CCDC50: variants seen among roughly 807,000 people sequenced by gnomAD.
The protein encoded by CCDC50 is coiled-coil domain containing 50, also known as coiled-coil domain-containing protein 50.
Under a neutral mutation model 70.2 loss-of-function variants are expected in CCDC50, and 54 were observed. The observed-to-expected ratio is 0.77, with a 90% CI of 0.62 to 0.96. The LOEUF is 0.96. CCDC50 is among the 50% of genes least tolerant of loss of function. The probability of loss-of-function intolerance (pLI) is 0.00; values close to 1 mark genes in which losing one functional copy is unlikely to be tolerated. For missense variants in CCDC50, 558 were observed against 578.7 expected (o/e 0.96, Z 0.37); for synonymous variants, 216 against 198.8 (o/e 1.09, Z -0.73).
chr3:191,369,416 A>G (rs1712818666), intron 4 of CCDC50, among the ~76,000 whole-genome samples: 2 of 152,144 alleles, frequency 1.3e-5, no homozygotes, highest in South Asian at 4.1e-4. Flanking sequence ...ACTGCTAAAA[A>G]TTTGCCTGGG....
At chr3:191,363,903 C>T (rs1037580941) in intron 4 of CCDC50, among the ~76,000 whole-genome samples, 4 of 151,894 alleles carry the variant, frequency 2.6e-5, no homozygotes, top group East Asian at 1.9e-4. Flanking sequence ...AGAAAATTTG[C>T]GTGAGTAAAG....
intron 1 of CCDC50, among the ~76,000 whole-genome samples, chr3:191,355,853 C>G (rs1291522379): frequency 6.6e-6 from 1 of 152,180 alleles, no homozygotes; most frequent in Non-Finnish European, 1.5e-5. Flanking sequence ...CATTATAAAA[C>G]CATTTCAAAA....
At chr3:191,334,628 G>A (rs1718084807) in intron 1 of CCDC50, among the ~76,000 whole-genome samples, 1 of 152,122 alleles carries the variant, frequency 6.6e-6, no homozygotes, top group South Asian at 2.1e-4. Context: ...GTTTAGAACT[G>A]TGAGTAGTTG....
At chr3:191,376,721 A>G (rs1713125889) in intron 6 of CCDC50, among the ~76,000 whole-genome samples, 1 of 152,126 alleles carries the variant, frequency 6.6e-6, no homozygotes, top group East Asian at 1.9e-4. Flanking sequence ...TGGCTTTGTA[A>G]ACAATTCCAA....
chr3:191,370,221 G>C, intron 5 of CCDC50, 185 bp downstream of exon 5: 1 of 547,128 alleles, frequency 1.8e-6, no homozygotes, highest in South Asian at 1.8e-5. Flanking sequence ...GTTTTGTTTT[G>C]TTTTTATTAT....
chr3:191,353,751 A>G (rs1428743766), intron 1 of CCDC50, among the ~76,000 whole-genome samples: 1 of 141,692 alleles, frequency 7.1e-6, no homozygotes. Context: ...AGTATAAATG[A>G]GATTATATGT....
At chr3:191,345,103 A>C (rs1020729856) in intron 1 of CCDC50, among the ~76,000 whole-genome samples, 1 of 152,208 alleles carries the variant, frequency 6.6e-6, no homozygotes, top group Non-Finnish European at 1.5e-5. Flanking sequence ...AGGTTATGGG[A>C]TGTTTCTTGA....
chr3:191,346,191 T>C (rs1711918100), intron 1 of CCDC50, among the ~76,000 whole-genome samples: 1 of 152,250 alleles, frequency 6.6e-6, no homozygotes, highest in Non-Finnish European at 1.5e-5. Context: ...CAACTGATTT[T>C]CTTCCTTGTA....
intron 1 of CCDC50, among the ~76,000 whole-genome samples, chr3:191,342,863 C>G (rs933674993): frequency 3.3e-5 from 5 of 152,156 alleles, no homozygotes; most frequent in Admixed American, 3.3e-4. Flanking sequence ...GGTATTTACC[C>G]TGTTGAGGAT....
rs775436970 is a variant in CCDC50 at position 191,382,802 on chromosome 3, T to C, written c.1299T>C (p.His433=). ...CAAAAGAGAGTGATGAACCTCACCA[T>C]TCTAAGAATGAAAGGCCAGCACGGT... ...SKSKESDEPH[H]SKNERPARPP... Residue 433 remains histidine, a synonymous_variant, in exon 10 of 12, where the codon CAT becomes CAC. Coordinates refer to ENST00000392455, the MANE Select transcript of CCDC50 (RefSeq NM_178335.3). 19 of 1,612,834 alleles carry C rather than the reference T, an allele frequency of 1.2e-5. No homozygotes were observed. The highest frequency in any genetic ancestry group is 1.5e-5 in the Non-Finnish European group (18 of 1,179,136).
intron 9 of CCDC50, among the ~76,000 whole-genome samples, chr3:191,382,408 T>C (rs924344707): frequency 5.3e-5 from 8 of 152,154 alleles, no homozygotes; most frequent in Admixed American, 2.6e-4. Flanking sequence ...GTAGCTATTA[T>C]GTTAATAATC....
At chr3:191,388,364 G>A (rs76661967) in intron 10 of CCDC50, among the ~76,000 whole-genome samples, 1 of 151,994 alleles carries the variant, frequency 6.6e-6, no homozygotes, top group African/African-American at 2.4e-5. Context: ...TTGAGCCCTG[G>A]GTCTGCCACT....
chr3:191,371,621 G>C (rs1284647575), intron 5 of CCDC50, among the ~76,000 whole-genome samples: 2 of 152,190 alleles, frequency 1.3e-5, no homozygotes, highest in African/African-American at 4.8e-5. Flanking sequence ...GATTATTACA[G>C]TTTGAGTATA....
intron 5 of CCDC50, among the ~76,000 whole-genome samples, chr3:191,371,693 A>C (rs1712917876): frequency 6.6e-6 from 1 of 152,224 alleles, no homozygotes; most frequent in Non-Finnish European, 1.5e-5. Context: ...CAGCCTTTTT[A>C]GTAAGCAGGC....
rs1216955763 is a variant in CCDC50, at chr3:191,375,537, C to T, written c.924C>T (p.Pro308=). ...AGCACAGAAAAAGGAGACACAGGCC[C>T]AGGACTCCTCCATTCTCAGAGAGTG... ...QGEHRKRRHR[P]RTPPFSESEE... is the part of the protein sequence containing the mutation. The change falls in exon 6 of 12, where the codon CCC becomes CCT. Residue 308 remains proline (P), a synonymous_variant. Transcript: ENST00000392455. 2.5e-6 allele frequency: 4 copies of T among 1,613,402 alleles called. No homozygotes were observed. The highest frequency in any genetic ancestry group is 2.5e-6 in the Non-Finnish European group (3 of 1,179,730).
At chr3:191,386,504 C>T (rs1428977622) in intron 10 of CCDC50, among the ~76,000 whole-genome samples, 6 of 152,132 alleles carry the variant, frequency 3.9e-5, no homozygotes, top group East Asian at 1.9e-4. Context: ...CGATTACAGG[C>T]GTGAGCCACC....
chr3:191,351,570 G>T lies in CCDC50; in HGVS notation c.50-5518G>T. 1.4e-5 allele frequency among the ~76,000 whole-genome samples: 2 copies of T among 140,918 alleles called. 1 individual carries two copies. 92.4% of individuals were successfully genotyped at this position (140,918 alleles called of 152,430 possible). ...CTGTGTCTGGAGCTGGAGGGGTAAAGTTGGCAAGTAGATGTACCTGAAAAA... is the reference window on the plus strand; with the variant it reads ...CTGTGTCTGGAGCTGGAGGGGTAAATTTGGCAAGTAGATGTACCTGAAAAA... On this transcript the variant is annotated intron_variant, in intron 1 of 11. Coordinates refer to ENST00000392455, the MANE Select transcript of CCDC50 (RefSeq NM_178335.3).
intron 1 of CCDC50, among the ~76,000 whole-genome samples, chr3:191,354,352 A>C (rs753902219): frequency 1.3e-5 from 2 of 152,156 alleles, no homozygotes; most frequent in Non-Finnish European, 2.9e-5. Context: ...CATATTATTA[A>C]AAAAATTTTT....
intron 10 of CCDC50, among the ~76,000 whole-genome samples, chr3:191,387,165 C>T (rs917766944): frequency 6.6e-6 from 1 of 152,032 alleles, no homozygotes; most frequent in Non-Finnish European, 1.5e-5. Flanking sequence ...ATAATCTAAA[C>T]AAATAATTAT....
Sources: allele counts gnomAD v4.1 joint callset (sites outside exome capture counted in the v4.1 genomes callset), GRCh38; gene constraint gnomAD v4.1.1; transcripts MANE v1.5; gene names NCBI Gene and HGNC (gene_info 2026-07-23, HGNC 2026-07-21).